The following ATXN7L2 variants were observed in gnomAD, a reference collection of about 807,000 sequenced individuals.
The protein encoded by ATXN7L2 is ataxin-7-like protein 2.
A neutral mutation model predicts 59.6 loss-of-function variants in ATXN7L2; 17 were observed. The ratio of observed to expected loss-of-function variants is 0.29; its 90% confidence interval spans 0.20 to 0.43. The LOEUF (loss-of-function observed/expected upper bound fraction) is 0.43. ATXN7L2 is among the 20% of genes least tolerant of loss of function. The probability of loss-of-function intolerance (pLI) is 1.00; values close to 1 mark genes in which losing one functional copy is unlikely to be tolerated. For missense variants in ATXN7L2, 858 were observed against 1,008.9 expected, an observed-to-expected ratio of 0.85 and a Z score of 2.03; for synonymous variants, 378 against 392.5, an observed-to-expected ratio of 0.96 and a Z score of 0.44.
At position 109,487,650 on chromosome 1, in the gene ATXN7L2, A is replaced by T. The variant is rs756709396; in HGVS notation, c.642A>T (p.Lys214Asn). The change falls in exon 5 of 11, where the codon AAA (lysine) becomes AAT (asparagine). Residue 214 changes from lysine to asparagine, a missense_variant. By Grantham distance (94) the Lys-to-Asn change is moderately conservative. Transcript: ENST00000683729. The part of the protein sequence containing the change: ...PGGLTKDSPG[K>N]PPMAPPSKEP... The stretch of plus-strand genomic sequence containing the variant: ...GCCTCACCAAGGACTCCCCTGGAAA[A>T]CCTCCCATGGCTCCCCCTTCTAAAG... The T allele has an allele frequency of 6.2e-7, 1 of 1,609,850 alleles. No individual in the cohort carries two copies. Among genetic ancestry groups the T allele is most frequent in the East Asian group, 2.2e-5 (1 of 44,574 alleles).
chr1:109,487,892 A>G (rs1194409384), intron 5 of ATXN7L2, 88 bp downstream of exon 5: 1 of 1,436,438 alleles, frequency 7.0e-7, no homozygotes, highest in Non-Finnish European at 9.3e-7. Context: ...GGAGGAGGTC[A>G]GGTTTATGGG....
At chr1:109,484,166 C>T (rs1462862542) in intron 1 of ATXN7L2, 86 bp downstream of exon 1, 24 of 1,223,986 alleles carry the variant, frequency 2.0e-5, no homozygotes, top group Admixed American at 7.7e-5. Context: ...GGGGAGCCGC[C>T]GACTGGAGCC....
In ATXN7L2 at chr1:109,486,137, A is replaced by G. The variant is rs368256006; in HGVS notation, c.193+15A>G. On this transcript the variant is annotated intron_variant, in intron 2 of 10. Transcript: ENST00000683729. The surrounding 1 kb of genome is among the most constrained non-coding windows in gnomAD (Gnocchi z 4.3). ...CATTAAAGAAGGTGGGAGTCGACAC[A>G]CATTAGGGCTGGGACCCAGGGCAGA... The G allele has an allele frequency of 6.4e-7, 1 of 1,573,598 alleles. No homozygotes were observed. The highest frequency in any genetic ancestry group is 1.4e-5 in the African/African-American group (1 of 73,128).
At chr1:109,487,316 A>C in intron 4 of ATXN7L2, 99 bp downstream of exon 4, 1 of 1,262,380 alleles carries the variant, frequency 7.9e-7, no homozygotes, top group Non-Finnish European at 1.1e-6. Context: ...CATACTCCTC[A>C]CAGCAGGAGG....
rs552850912 is a variant in ATXN7L2 at position 109,487,144 on chromosome 1, T to C, written c.436T>C (p.Ser146Pro). The change falls in exon 4 of 11, where the codon TCC becomes CCC. Residue 146 changes from serine to proline, a missense_variant. This residue lies in a region of ATXN7L2 where 734 missense variants were observed against 862.3 expected (regional missense o/e 0.85). Transcript: ENST00000683729. ...GGCCCCAGGTTCCACGAAAACCTCC[T>C]CCAGGGAGAAGGGCCAGGGGTCCCG... ...CRAPGSTKTS[S>P]REKGQGSRSR... is the part of the protein sequence containing the mutation. 1.1e-4 allele frequency: 184 copies of C among 1,607,240 alleles called. 1 individual carries two copies. In the Admixed American group the frequency reaches 2.9e-3, roughly 26 times the overall value.
rs1360831884 is a variant in ATXN7L2 at position 109,488,805 on chromosome 1, G to T, written c.880-42G>T. 1 of 1,594,660 alleles carries T rather than the reference G, an allele frequency of 6.3e-7. No individual in the cohort carries two copies. The highest frequency in any genetic ancestry group is 1.3e-5 in the African/African-American group (1 of 74,590). ...CCCTGCCGTCCCTCACCCCTTCTCA[G>T]TTCATACCTACTCCCCAGCTCTCCA... On this transcript the variant is annotated intron_variant, in intron 6 of 10. Transcript: ENST00000683729. The surrounding 1 kb of genome is among the most constrained non-coding windows in gnomAD (Gnocchi z 5.0).
chr1:109,491,993 C>T lies in ATXN7L2; in HGVS notation c.2250+276C>T, dbSNP rs1657119430. On this transcript the variant is annotated intron_variant, in intron 10 of 10. Coordinates refer to ENST00000683729, the MANE Select transcript of ATXN7L2 (RefSeq NM_001350175.2). This position sits in a 1 kb window ranked among gnomAD's most constrained non-coding sequence, Gnocchi z 4.1. ...TGCTTTTGCTATAATCAAAGGGCTA[C>T]TTCTTTCTGAATTGGCTGTGACCCT... 4.9e-6 allele frequency: 6 copies of T among 1,230,566 alleles called. No homozygotes were observed. Among genetic ancestry groups the T allele is most frequent in the Non-Finnish European group, 6.1e-6 (6 of 980,688 alleles). 76.2% of individuals were successfully genotyped at this position (1,230,566 alleles called of 1,614,324 possible).
Position 109,483,963 on chromosome 1 carries a change from C to A in ATXN7L2, c.10C>A (p.Arg4Ser). 1 of 1,310,206 alleles carries A rather than the reference C, an allele frequency of 7.6e-7. No homozygotes were observed. Among genetic ancestry groups the A allele is most frequent in the South Asian group, 2.4e-5 (1 of 41,314 alleles). 81.2% of individuals were successfully genotyped at this position (1,310,206 alleles called of 1,614,324 possible). A position where few individuals can be genotyped will look rare whatever the true frequency, so the allele number is the denominator to read the frequency against. The change falls in exon 1 of 11, where the codon CGT becomes AGT. Residue 4 changes from arginine to serine, a missense_variant. Around this residue, in one of 3 missense-constraint regions of ATXN7L2, gnomAD observed 95 missense variants for 82.6 expected, o/e 1.15. Coordinates refer to ENST00000683729, the MANE Select transcript of ATXN7L2 (RefSeq NM_001350175.2). ...CGCGTCCGCGGCGGTGATGGCGGTG[C>A]GTGAACGCGCGGCGGCAGCAATGGC... MAV[R>S]ERAAAAMAAL...
Position 109,492,690 on chromosome 1 carries a change from T to C in ATXN7L2, c.*90T>C, listed in dbSNP as rs565371811. ...AGGCTGCTGCCGCTTTTTATAACTT[T>C]ATATTATTTTTTTTTAAGAAAAAAA... is the stretch of plus-strand genomic sequence containing the variant. On this transcript the variant is annotated 3_prime_UTR_variant, in exon 11 of 11. Coordinates refer to ENST00000683729, the MANE Select transcript of ATXN7L2 (RefSeq NM_001350175.2). The C allele has an allele frequency of 1.1e-4, 161 of 1,454,256 alleles. 2 individuals carry two copies. In the South Asian group the frequency reaches 1.9e-3, roughly 17 times the overall value. The allele number at this position is 1,454,256 out of a possible 1,614,324, so 90.1% of individuals were successfully genotyped here. A position where few individuals can be genotyped will look rare whatever the true frequency, so the allele number is the denominator to read the frequency against.
chr1:109,489,876 T>C, intron 7 of ATXN7L2, 54 bp from the exon 8 acceptor site: 2 of 1,600,708 alleles, frequency 1.2e-6, no homozygotes, highest in Non-Finnish European at 8.5e-7. Context: ...AGGATGCCCC[T>C]ACTCTGACCC....
In ATXN7L2 at chr1:109,491,060, C is replaced by T. The variant is rs777104586; in HGVS notation, c.1593C>T (p.Pro531=). Reference sequence around the variant, plus strand: ...GACCTGCCTGCCCAGCCTCCATGCCCCCCACCAAGGACAACCTTGTCCCCA... The same window carrying T: ...GACCTGCCTGCCCAGCCTCCATGCCTCCCACCAAGGACAACCTTGTCCCCA... ...TLRPACPASM[P]PTKDNLVPSY... is the part of the protein sequence containing the mutation. Residue 531 remains proline (P), a synonymous_variant, in exon 10 of 11, where the codon CCC becomes CCT. Transcript: ENST00000683729. The surrounding 1 kb of genome is among the most constrained non-coding windows in gnomAD (Gnocchi z 4.1). 2.5e-6 allele frequency: 4 copies of T among 1,613,768 alleles called. No individual in the cohort carries two copies. Among genetic ancestry groups the T allele is most frequent in the East Asian group, 2.2e-5 (1 of 44,882 alleles).
In ATXN7L2 at chr1:109,489,885, C is replaced by T. The variant is rs202047303; in HGVS notation, c.1134-45C>T. On this transcript the variant is annotated intron_variant, in intron 7 of 10. Transcript: ENST00000683729. The stretch of plus-strand genomic sequence containing the variant: ...GGTTCAAGGATGCCCCTACTCTGAC[C>T]CCACAACAGTCACATTCCCCTGGCA... 612 of 1,607,136 alleles carry T rather than the reference C, an allele frequency of 3.8e-4. 3 individuals are homozygous for T. The Middle Eastern group carries it at 7.8e-3, about 20-fold the overall frequency.
chr1:109,491,628 G>T lies in ATXN7L2; in HGVS notation c.2161G>T (p.Ala721Ser). The change falls in exon 10 of 11, where the codon GCT becomes TCT. Residue 721 changes from alanine (A) to serine (S), a missense_variant. Transcript: ENST00000683729. The surrounding 1 kb of genome is among the most constrained non-coding windows in gnomAD (Gnocchi z 4.1). ...GCCAGTGAAGGCCAAGCACTGTCAGGCTGGTGCCCCTGCTGATGTGGCCTG... is the reference window on the plus strand; with the variant it reads ...GCCAGTGAAGGCCAAGCACTGTCAGTCTGGTGCCCCTGCTGATGTGGCCTG... ...CRPVKAKHCQ[A>S]GAPADVACSV... 6.2e-7 allele frequency: 1 copy of T among 1,613,428 alleles called. No individual in the cohort carries two copies. The highest frequency in any genetic ancestry group is 8.5e-7 in the Non-Finnish European group (1 of 1,179,920).
Position 109,489,110 on chromosome 1 carries a change from G to A in ATXN7L2, c.1133+10G>A, listed in dbSNP as rs1201503511. ...ACTGTGCACTGCCCAGGTACGTCTA[G>A]AATCCAACCCCTACCTCACCTGGGG... On this transcript the variant is annotated intron_variant, in intron 7 of 10. Transcript: ENST00000683729. 1.9e-6 allele frequency: 3 copies of A among 1,606,228 alleles called. No homozygotes were observed. In the South Asian group the frequency reaches 3.3e-5, roughly 18 times the overall value.
intron 10 of ATXN7L2, chr1:109,492,171 C>A: frequency 1.0e-6 from 1 of 984,564 alleles, no homozygotes; most frequent in Non-Finnish European, 1.2e-6. Context: ...GCACACAACC[C>A]CATGTCCACT....
At chr1:109,489,176 C>A in intron 7 of ATXN7L2, 76 bp downstream of exon 7, 1 of 1,526,084 alleles carries the variant, frequency 6.6e-7, no homozygotes, top group Non-Finnish European at 8.8e-7. Context: ...TGGAAACAGG[C>A]TCAGGGAGTG....
In ATXN7L2 at chr1:109,491,066, C is replaced by T. The variant is rs763182297; in HGVS notation, c.1599C>T (p.Thr533=). The change falls in exon 10 of 11, where the codon ACC becomes ACT. Residue 533 remains threonine, a synonymous_variant. Transcript: ENST00000683729. The surrounding 1 kb of genome is among the most constrained non-coding windows in gnomAD (Gnocchi z 4.1). ...CCTGCCCAGCCTCCATGCCCCCCAC[C>T]AAGGACAACCTTGTCCCCAGCTACC... ...RPACPASMPP[T]KDNLVPSYPA... 9.9e-6 allele frequency: 16 copies of T among 1,613,708 alleles called. No homozygotes were observed. The East Asian group carries it at 2.7e-4, about 27-fold the overall frequency.
Position 109,486,883 on chromosome 1 carries a change from C to T in ATXN7L2, c.299-124C>T, listed in dbSNP as rs1408007036. The T allele has an allele frequency of 5.3e-6, 5 of 946,364 alleles. No individual in the cohort carries two copies. The highest frequency in any genetic ancestry group is 7.7e-6 in the Non-Finnish European group (5 of 649,482). 58.6% of individuals were successfully genotyped at this position (946,364 alleles called of 1,614,324 possible). A position where few individuals can be genotyped will look rare whatever the true frequency, so the allele number is the denominator to read the frequency against. ...GGCTCAGATTCAAATGGGAAGGAGG[C>T]ATGTTTACAATCTAATTTATGGAAA... On this transcript the variant is annotated intron_variant, in intron 3 of 10. Coordinates refer to ENST00000683729, the MANE Select transcript of ATXN7L2 (RefSeq NM_001350175.2). The surrounding 1 kb of genome is among the most constrained non-coding windows in gnomAD (Gnocchi z 4.3).
rs1396604225 is a variant in ATXN7L2 at position 109,487,524 on chromosome 1, C to T, written c.516C>T (p.Phe172=). ...EKTQKDNLCL[F]VPVVNLEKMS... ...CCCCTCTCTCTGTGTGTAGCCTTTT[C>T]GTGCCTGTGGTGAATCTGGAGAAGA... Residue 172 remains phenylalanine, a synonymous_variant, in exon 5 of 11, where the codon TTC becomes TTT. Transcript: ENST00000683729. 20 of 1,501,122 alleles carry T rather than the reference C, an allele frequency of 1.3e-5. No individual in the cohort carries two copies. The Admixed American group carries it at 1.9e-4, about 14-fold the overall frequency. The allele number at this position is 1,501,122 out of a possible 1,614,324, so 93.0% of individuals were successfully genotyped here. A position where few individuals can be genotyped will look rare whatever the true frequency, so the allele number is the denominator to read the frequency against.
Sources: allele counts gnomAD v4.1 joint callset, GRCh38; gene constraint gnomAD v4.1.1; regional missense constraint gnomAD v4.1.1; non-coding constraint Gnocchi (gnomAD v3.1); transcripts MANE v1.5; gene names NCBI Gene and HGNC (gene_info 2026-07-23, HGNC 2026-07-21).